Variants in SFRP1 observed in about 807,000 individuals in gnomAD.
The protein encoded by SFRP1 is secreted frizzled related protein 1, also known as secreted frizzled-related protein 1.
SFRP1 carries 9 observed loss-of-function variants against 25.9 expected under a neutral mutation model. The observed-to-expected ratio is 0.35, with a 90% CI of 0.21 to 0.61. SFRP1 has a LOEUF of 0.61. SFRP1 is among the 20% of genes least tolerant of loss of function. The pLI, the probability that SFRP1 is intolerant of heterozygous loss-of-function variation, is 0.78. For missense variants in SFRP1, 346 were observed against 418.2 expected, an observed-to-expected ratio of 0.83 and a Z score of 1.51; for synonymous variants, 178 against 174.0, an observed-to-expected ratio of 1.02 and a Z score of -0.18.
In SFRP1 at chr8:41,289,857, C is replaced by T. The variant is rs543989172; in HGVS notation, c.622+13604G>A. Among the ~76,000 whole-genome samples the T allele has an allele frequency of 9.8e-5, 15 of 152,356 alleles. No individual in the cohort carries two copies. In the East Asian group the frequency reaches 2.9e-3, roughly 29 times the overall value. The stretch of plus-strand genomic sequence containing the variant: ...ATCCCTCCTGGGCTTCTCAGAAGCT[C>T]TTCTGGAGGATAGTGGATTAGCAGC... On this transcript the variant is annotated intron_variant, in intron 2 of 2. Transcript: ENST00000220772.
At chr8:41,301,382 C>T (rs1197027411) in intron 2 of SFRP1, among the ~76,000 whole-genome samples, 1 of 152,050 alleles carries the variant, frequency 6.6e-6, no homozygotes, top group African/African-American at 2.4e-5. Context: ...ACACGTTTCT[C>T]GACAAGGCTG....
Position 41,273,122 on chromosome 8 carries a change from T to C in SFRP1, c.623-7633A>G, listed in dbSNP as rs376447571. 3.9e-5 allele frequency among the ~76,000 whole-genome samples: 6 copies of C among 152,310 alleles called. 1 individual carries two copies. The highest frequency in any genetic ancestry group is 1.4e-4 in the African/African-American group (6 of 41,572). On this transcript the variant is annotated intron_variant, in intron 2 of 2. Transcript: ENST00000220772. ...GGCATTAACAGGTTTTAAAACATCA[T>C]CTCCCATGTATCTTTTCTTAGGAAA...
intron 2 of SFRP1, among the ~76,000 whole-genome samples, chr8:41,300,812 C>A (rs1283467520): frequency 6.6e-6 from 1 of 152,226 alleles, no homozygotes; most frequent in Admixed American, 6.5e-5. Flanking sequence ...AGCAGGCAGG[C>A]TGGTCGCCAT....
In SFRP1 at chr8:41,266,864, G is replaced by A. The variant is rs77511140; in HGVS notation, c.623-1375C>T. Among the ~76,000 whole-genome samples the A allele has an allele frequency of 1.4e-4, 21 of 152,306 alleles. No individual in the cohort carries two copies. The East Asian group carries it at 2.7e-3, about 20-fold the overall frequency. The stretch of plus-strand genomic sequence containing the variant: ...AACTATGTGTGTGCACTCAGCAAGG[G>A]AAAGTTAAAGGTTGTTTCAAATGGT... On this transcript the variant is annotated intron_variant, in intron 2 of 2. Transcript: ENST00000220772.
Position 41,289,096 on chromosome 8 carries a change from C to T in SFRP1, c.622+14365G>A, listed in dbSNP as rs568456917. 1.4e-3 allele frequency among the ~76,000 whole-genome samples: 215 copies of T among 152,326 alleles called. 1 individual carries two copies. The highest frequency in any genetic ancestry group is 2.6e-3 in the Non-Finnish European group (175 of 68,022). On this transcript the variant is annotated intron_variant, in intron 2 of 2. Transcript: ENST00000220772. ...ACTCAGTTTTCATCTGCTCCACCCT[C>T]TCAGGCACATAGCGACTTCTCTTCC...
chr8:41,304,107 C>A (rs78164592), intron 1 of SFRP1, among the ~76,000 whole-genome samples: 1 of 151,852 alleles, frequency 6.6e-6, no homozygotes, highest in Non-Finnish European at 1.5e-5. Flanking sequence ...GGCAGGCGGG[C>A]GGGGTGGGGC....
intron 2 of SFRP1, among the ~76,000 whole-genome samples, chr8:41,269,674 G>A (rs550802234): frequency 6.6e-5 from 10 of 152,138 alleles, no homozygotes; most frequent in African/African-American, 1.9e-4. Flanking sequence ...TCCCAAGCCC[G>A]AGACATCCTA....
At position 41,264,904 on chromosome 8, in the gene SFRP1, A is replaced by G. The variant is rs1254921006; in HGVS notation, c.*263T>C. 3 of 424,178 alleles carry G rather than the reference A, an allele frequency of 7.1e-6. No homozygotes were observed. The East Asian group carries it at 1.1e-4, about 16-fold the overall frequency. The allele number at this position is 424,178 out of a possible 1,614,324, so 26.3% of individuals were successfully genotyped here. A position where few individuals can be genotyped will look rare whatever the true frequency, so the allele number is the denominator to read the frequency against. On this transcript the variant is annotated 3_prime_UTR_variant, in exon 3 of 3. Coordinates refer to ENST00000220772, the MANE Select transcript of SFRP1 (RefSeq NM_003012.5). ...AATGGTTTGTCACCTCCTCCTGTGC[A>G]GTGGCTGCTGCTCCACATTGCGGAT...
rs753580176 is a variant in SFRP1 at position 41,303,479 on chromosome 8, G to C, written c.604C>G (p.Leu202Val). 1.9e-6 allele frequency: 3 copies of C among 1,613,858 alleles called. No individual in the cohort carries two copies. Among genetic ancestry groups the C allele is most frequent in the Middle Eastern group, 3.3e-4 (2 of 6,062 alleles). The change falls in exon 2 of 3, where the codon CTC becomes GTC. Residue 202 changes from leucine (L) to valine (V), a missense_variant. Transcript: ENST00000220772. ...TTCTTACCAAACTCGCTGGCACAGA[G>C]ATGTTCAATGATGGCCTCAGATTTC... ...ELKSEAIIEH[L>V]CASEFALRMK... is the part of the protein sequence containing the mutation.
intron 2 of SFRP1, among the ~76,000 whole-genome samples, chr8:41,300,481 G>T (rs959625549): frequency 6.6e-6 from 1 of 152,212 alleles, no homozygotes; most frequent in African/African-American, 2.4e-5. Context: ...TCTCCTAGCA[G>T]AAGTGTATCA....
At chr8:41,296,164 GC>G (rs1235215735) in intron 2 of SFRP1, among the ~76,000 whole-genome samples, 1 of 152,210 alleles carries the variant, frequency 6.6e-6, no homozygotes, top group East Asian at 1.9e-4. Context: ...AGCACTAGTG[GC>G]AGGCCAGACC....
intron 2 of SFRP1, among the ~76,000 whole-genome samples, chr8:41,266,755 T>C (rs1195094534): frequency 6.6e-6 from 1 of 152,206 alleles, no homozygotes; most frequent in African/African-American, 2.4e-5. Flanking sequence ...GGTTTTGTTT[T>C]GAAGAGCAAG....
At position 41,277,037 on chromosome 8, in the gene SFRP1, G is replaced by A. The variant is rs374138949; in HGVS notation, c.623-11548C>T. On this transcript the variant is annotated intron_variant, in intron 2 of 2. Transcript: ENST00000220772. ...TCCTGGATTGTGTTAAATCCCCACT[G>A]AGTTAAGCTAATGGTGCAAAATGAA... The A allele has an allele frequency of 2.1e-4, 97 of 456,266 alleles. No individual in the cohort carries two copies. In the East Asian group the frequency reaches 5.4e-3, roughly 26 times the overall value. 28.3% of individuals were successfully genotyped at this position (456,266 alleles called of 1,614,324 possible).
chr8:41,269,324 C>T (rs543645769), intron 2 of SFRP1, among the ~76,000 whole-genome samples: 93 of 152,274 alleles, frequency 6.1e-4, no homozygotes, highest in African/African-American at 2.2e-3. Flanking sequence ...ACATGACTCC[C>T]ACCTAGGCAT....
chr8:41,292,691 G>A (rs1202738038), intron 2 of SFRP1, among the ~76,000 whole-genome samples: 1 of 152,146 alleles, frequency 6.6e-6, no homozygotes, highest in Non-Finnish European at 1.5e-5. Context: ...AATCTCTTTG[G>A]ATGTTGATTC....
chr8:41,283,605 G>C (rs1335656012), intron 2 of SFRP1, among the ~76,000 whole-genome samples: 2 of 140,288 alleles, frequency 1.4e-5, no homozygotes, highest in Non-Finnish European at 3.0e-5. Context: ...TTTTGAGACA[G>C]TTTCTCTCTG....
In SFRP1 at chr8:41,280,620, C is replaced by T. The variant is rs147548075; in HGVS notation, c.623-15131G>A. ...GAGCAAGCGGCAATAAAAACCCATA[C>T]GACCCCAACTCTGCACGCCCTTTCT... is the stretch of plus-strand genomic sequence containing the variant. On this transcript the variant is annotated intron_variant, in intron 2 of 2. Coordinates refer to ENST00000220772, the MANE Select transcript of SFRP1 (RefSeq NM_003012.5). 3.7e-3 allele frequency among the ~76,000 whole-genome samples: 556 copies of T among 152,296 alleles called. 3 individuals carry two copies. Among genetic ancestry groups the T allele is most frequent in the African/African-American group, 0.013 (530 of 41,566 alleles).
intron 2 of SFRP1, among the ~76,000 whole-genome samples, chr8:41,301,828 GATC>G (rs1217114899): frequency 6.6e-6 from 1 of 152,192 alleles, no homozygotes; most frequent in Non-Finnish European, 1.5e-5. Flanking sequence ...ATCGACATGA[GATC>G]CTCTGTCCTC....
intron 2 of SFRP1, among the ~76,000 whole-genome samples, chr8:41,300,320 T>C (rs141099129): frequency 1.7e-4 from 26 of 152,206 alleles, no homozygotes; most frequent in African/African-American, 5.8e-4. Context: ...AATATATAAA[T>C]GGAAAAAAGA....
Sources: gnomAD v4.1 joint callset for allele counts (sites outside exome capture counted in the v4.1 genomes callset) on GRCh38, gnomAD v4.1.1 for gene constraint, MANE v1.5 for transcripts, NCBI Gene and HGNC (gene_info 2026-07-23, HGNC 2026-07-21) for gene names.